The following CHERP variants were observed in gnomAD, a reference collection of about 807,000 sequenced individuals.
CHERP encodes calcium homeostasis endoplasmic reticulum protein, also known as ERPROT 213-21.
Under a neutral mutation model 113.8 loss-of-function variants are expected in CHERP, and 8 were observed. The observed-to-expected ratio is 0.07, with a 90% confidence interval of 0.04 to 0.13. The LOEUF (loss-of-function observed/expected upper bound fraction) is 0.13, where lower values mean the gene tolerates loss of function less well. Ranked by LOEUF, CHERP falls within the 10% of genes least tolerant of loss-of-function variation. CHERP has a pLI of 1.00. For missense variants in CHERP, 884 were observed against 1,298.2 expected (o/e 0.68, Z 4.90); for synonymous variants, 559 against 524.5 (o/e 1.07, Z -0.90).
chr19:16,533,951 G>A (rs2085724390), intron 3 of CHERP, among the ~76,000 whole-genome samples: 1 of 152,152 alleles, frequency 6.6e-6, no homozygotes, highest in Non-Finnish European at 1.5e-5. Flanking sequence ...GGTAAAAACA[G>A]AGCTGCCATG....
In CHERP at chr19:16,520,995, C is replaced by T; in HGVS notation, c.2115-83G>A. On this transcript the variant is annotated intron_variant, in intron 12 of 16. Transcript: ENST00000546361. The surrounding 1 kb of genome is among the most constrained non-coding windows in gnomAD (Gnocchi z 4.0). ...GAAAAAGTCATCAGGAGTTAATCCA[C>T]AGAACCTTGGAGAGTACATGGCCCT... The T allele has an allele frequency of 1.6e-6, 2 of 1,220,822 alleles. No homozygotes were observed. Among genetic ancestry groups the T allele is most frequent in the East Asian group, 2.3e-5 (1 of 43,076 alleles). The allele number at this position is 1,220,822 out of a possible 1,614,324, so 75.6% of individuals were successfully genotyped here. A position where few individuals can be genotyped will look rare whatever the true frequency, so the allele number is the denominator to read the frequency against.
intron 2 of CHERP, among the ~76,000 whole-genome samples, chr19:16,536,139 G>T (rs987900538): frequency 1.3e-5 from 2 of 152,118 alleles, no homozygotes. Context: ...ACCCCCGAGC[G>T]CACACTGCGG....
intron 5 of CHERP, among the ~76,000 whole-genome samples, chr19:16,531,753 C>T (rs563054671): frequency 6.6e-6 from 1 of 152,332 alleles, no homozygotes; most frequent in East Asian, 1.9e-4. Flanking sequence ...AGCCGCAACT[C>T]ACTTCCCAGC....
At position 16,520,017 on chromosome 19, in the gene CHERP, G is replaced by A. The variant is rs905745968; in HGVS notation, c.2462+132C>T. 1 of 939,478 alleles carries A rather than the reference G, an allele frequency of 1.1e-6. No individual in the cohort carries two copies. Among genetic ancestry groups the A allele is most frequent in the Non-Finnish European group, 1.6e-6 (1 of 606,676 alleles). 58.2% of individuals were successfully genotyped at this position (939,478 alleles called of 1,614,324 possible). A position where few individuals can be genotyped will look rare whatever the true frequency, so the allele number is the denominator to read the frequency against. On this transcript the variant is annotated intron_variant, in intron 15 of 16. Transcript: ENST00000546361. The surrounding 1 kb of genome is among the most constrained non-coding windows in gnomAD (Gnocchi z 4.0). Reference sequence around the variant, plus strand: ...AGTGGCTACTGTGGTGAAGGGTGAGGGGTGCCACTGTCCCCGGGCTAATGC... The same window carrying A: ...AGTGGCTACTGTGGTGAAGGGTGAGAGGTGCCACTGTCCCCGGGCTAATGC...
Position 16,520,171 on chromosome 19 carries a change from G to A in CHERP, c.2440C>T (p.Arg814Trp), listed in dbSNP as rs775200717. The change falls in exon 15 of 17, where the codon CGG becomes TGG. Residue 814 changes from arginine (R) to tryptophan (W), a missense_variant. Transcript: ENST00000546361. The surrounding 1 kb of genome is among the most constrained non-coding windows in gnomAD (Gnocchi z 4.0). ...SYSPGRRRRS[R>W]SRSPTPPSSA... ...TACGGCGGGGTGGGGCTCCTGGACC[G>A]TGACCGGCGTCTTCTTCCTGGGGAG... 33 of 1,612,364 alleles carry A rather than the reference G, an allele frequency of 2.0e-5. No individual in the cohort carries two copies. The highest frequency in any genetic ancestry group is 3.3e-5 in the Admixed American group (2 of 59,990).
Position 16,532,813 on chromosome 19 carries a change from C to A in CHERP, c.523-64G>T, listed in dbSNP as rs900319564. On this transcript the variant is annotated intron_variant, in intron 4 of 16. Transcript: ENST00000546361. This position sits in a 1 kb window ranked among gnomAD's most constrained non-coding sequence, Gnocchi z 4.4. ...GGCTCCCCCAGGCACCCACTGCATC[C>A]CTGAGAGCGCGTCACCATCAGCTCA... is the stretch of plus-strand genomic sequence containing the variant. 5.8e-6 allele frequency: 9 copies of A among 1,565,132 alleles called. No homozygotes were observed. Among genetic ancestry groups the A allele is most frequent in the Non-Finnish European group, 7.0e-6 (8 of 1,150,656 alleles).
At position 16,518,701 on chromosome 19, in the gene CHERP, G is replaced by A. The variant is rs927728979; in HGVS notation, c.*458C>T. 3 of 170,372 alleles carry A rather than the reference G, an allele frequency of 1.8e-5. No individual in the cohort carries two copies. The highest frequency in any genetic ancestry group is 2.5e-5 in the Non-Finnish European group (2 of 80,956). The allele number at this position is 170,372 out of a possible 1,614,324, so 10.6% of individuals were successfully genotyped here. ...GGCTTTGTCCCTACACAGCCGAGGGGAAGCCAGGTCAGGGCCGGTGGGTGC... is the reference window on the plus strand; with the variant it reads ...GGCTTTGTCCCTACACAGCCGAGGGAAAGCCAGGTCAGGGCCGGTGGGTGC... On this transcript the variant is annotated 3_prime_UTR_variant, in exon 17 of 17. Coordinates refer to ENST00000546361, the MANE Select transcript of CHERP (RefSeq NM_006387.6).
At chr19:16,526,631 CTAT>C (rs1486145092) in intron 9 of CHERP, among the ~76,000 whole-genome samples, 1 of 152,126 alleles carries the variant, frequency 6.6e-6, no homozygotes, top group African/African-American at 2.4e-5. Flanking sequence ...CCATGCCCGG[CTAT>C]TTTTTTATCT....
rs764715978 is a variant in CHERP at position 16,528,126 on chromosome 19, G to T, written c.1259C>A (p.Pro420His). Residue 420 changes from proline to histidine, a missense_variant, in exon 9 of 17, where the codon CCT (proline) becomes CAT (histidine). Physicochemically the swap from Pro to His is moderately conservative, Grantham distance 77 (BLOSUM62 -2). Around this residue, in one of 8 missense-constraint regions of CHERP, gnomAD observed 464 missense variants for 590.1 expected, o/e 0.79. Transcript: ENST00000546361. ...PHDQIPPNKP[P>H]WFDQPHPVAP... ...CACGGGGTGAGGCTGGTCAAACCAAGGGGGCTTGTTTGGTGGGATCTGGTC... is the reference window on the plus strand; with the variant it reads ...CACGGGGTGAGGCTGGTCAAACCAATGGGGCTTGTTTGGTGGGATCTGGTC... The T allele has an allele frequency of 8.1e-6, 13 of 1,613,686 alleles. No individual in the cohort carries two copies. The highest frequency in any genetic ancestry group is 1.1e-5 in the Non-Finnish European group (13 of 1,179,970).
chr19:16,539,354 A>G (rs1010815374), intron 2 of CHERP, among the ~76,000 whole-genome samples: 1 of 151,720 alleles, frequency 6.6e-6, no homozygotes, highest in Non-Finnish European at 1.5e-5. Context: ...TCACCGTGTT[A>G]GCCAGGATGG....
At chr19:16,537,614 G>C (rs967874629) in intron 2 of CHERP, among the ~76,000 whole-genome samples, 1 of 152,008 alleles carries the variant, frequency 6.6e-6, no homozygotes, top group East Asian at 1.9e-4. Flanking sequence ...GAAGTAGCAT[G>C]TGCCTCCCAG....
chr19:16,538,126 C>T (rs947243882), intron 2 of CHERP, among the ~76,000 whole-genome samples: 7 of 151,928 alleles, frequency 4.6e-5, no homozygotes, highest in African/African-American at 4.8e-5. Context: ...CCAGGATACA[C>T]TCCTCACTCC....
chr19:16,533,298 C>T, intron 3 of CHERP, 150 bp from the exon 4 acceptor site: 3 of 727,852 alleles, frequency 4.1e-6, no homozygotes, highest in South Asian at 1.8e-5. Flanking sequence ...TGCTTGTCCC[C>T]AGCAGGAGGA....
intron 5 of CHERP, among the ~76,000 whole-genome samples, chr19:16,531,333 G>A (rs1465039052): frequency 2.0e-5 from 3 of 152,144 alleles, no homozygotes; most frequent in Non-Finnish European, 2.9e-5. Flanking sequence ...AAGGAGGGAG[G>A]GTGCCCAGTC....
intron 5 of CHERP, among the ~76,000 whole-genome samples, chr19:16,531,690 A>C (rs540722439): frequency 6.6e-6 from 1 of 152,336 alleles, no homozygotes; most frequent in South Asian, 2.1e-4. Context: ...CCCGACTCAG[A>C]GGCAGGGAGA....
intron 11 of CHERP, among the ~76,000 whole-genome samples, chr19:16,522,260 AC>A (rs367731078): frequency 6.2e-5 from 9 of 144,182 alleles, no homozygotes; most frequent in Admixed American, 4.8e-4. Context: ...GGCCTCCCCA[AC>A]CCCCCCTTTT....
In CHERP at chr19:16,525,193, G is replaced by A. The variant is rs771742544; in HGVS notation, c.1741+49C>T. ...AGCGCCACCAGCCTGCTCGGCAGGC[G>A]AGCCGTGGATGCCTCCGCCAGGCCC... On this transcript the variant is annotated intron_variant, in intron 10 of 16. Coordinates refer to ENST00000546361, the MANE Select transcript of CHERP (RefSeq NM_006387.6). This position sits in a 1 kb window ranked among gnomAD's most constrained non-coding sequence, Gnocchi z 6.5. The A allele has an allele frequency of 3.9e-5, 54 of 1,377,788 alleles. No individual in the cohort carries two copies. Among genetic ancestry groups the A allele is most frequent in the Non-Finnish European group, 4.9e-5 (52 of 1,060,974 alleles). 85.3% of individuals were successfully genotyped at this position (1,377,788 alleles called of 1,614,324 possible).
At chr19:16,533,483 C>A (rs1361517653) in intron 3 of CHERP, among the ~76,000 whole-genome samples, 1 of 152,192 alleles carries the variant, frequency 6.6e-6, no homozygotes, top group Non-Finnish European at 1.5e-5. Flanking sequence ...AAAGGCGGGG[C>A]GCGGTGGCTC....
In CHERP at chr19:16,519,360, C is replaced by CA. The variant is rs2063300529; in HGVS notation, c.2558-9dup. On this transcript the variant is annotated splice_polypyrimidine_tract_variant and intron_variant, in intron 16 of 16. Coordinates refer to ENST00000546361, the MANE Select transcript of CHERP (RefSeq NM_006387.6). This position sits in a 1 kb window ranked among gnomAD's most constrained non-coding sequence, Gnocchi z 6.0. ...CGCCTGAGCCGCTCCAGCCTGGAAA[C>CA]AGAGACGCAGTCACAACCACAACAA... is the stretch of plus-strand genomic sequence containing the variant. 5 of 1,608,158 alleles carry CA rather than the reference C, an allele frequency of 3.1e-6. No homozygotes were observed. The highest frequency in any genetic ancestry group is 1.7e-5 in the Admixed American group (1 of 58,774).
Sources: gnomAD v4.1 joint callset for allele counts (sites outside exome capture counted in the v4.1 genomes callset) on GRCh38, gnomAD v4.1.1 for gene constraint, gnomAD v4.1.1 regional missense constraint, Gnocchi (gnomAD v3.1) non-coding constraint, MANE v1.5 for transcripts, NCBI Gene and HGNC (gene_info 2026-07-23, HGNC 2026-07-21) for gene names.